Variants in SORCS3 observed in about 807,000 individuals in gnomAD.
SORCS3 encodes VPS10 domain-containing receptor SorCS3.
A neutral mutation model predicts 146.3 loss-of-function variants in SORCS3; 57 were observed. That is an observed-to-expected ratio of 0.39 (90% CI 0.31 to 0.49). SORCS3 has a LOEUF of 0.49. Ranked by LOEUF, SORCS3 falls within the 20% of genes least tolerant of loss-of-function variation. SORCS3 has a pLI of 0.92. For synonymous variants in SORCS3, 653 were observed against 618.5 expected (o/e 1.06, Z -0.83); for missense variants, 1,341 against 1,575.5 (o/e 0.85, Z 2.52).
chr10:104,998,532 G>T (rs73334052), intron 4 of SORCS3, among the ~76,000 whole-genome samples: 11,388 of 152,190 alleles, frequency 0.075, 477 homozygotes, highest in African/African-American at 0.1. Flanking sequence ...CAGAATTCCT[G>T]CTCCTTCAGG....
chr10:104,687,785 A>G (rs1409549958), intron 1 of SORCS3, among the ~76,000 whole-genome samples: 1 of 152,174 alleles, frequency 6.6e-6, no homozygotes, highest in Non-Finnish European at 1.5e-5. Flanking sequence ...TTCCAGTCTC[A>G]GTCCCTGCTT....
intron 7 of SORCS3, among the ~76,000 whole-genome samples, chr10:105,128,264 A>G (rs758292855): frequency 2.0e-5 from 3 of 152,146 alleles, no homozygotes; most frequent in Non-Finnish European, 4.4e-5. Context: ...TTGGCATTTC[A>G]CAAATATTCA....
At chr10:104,654,139 C>T (rs1195623110) in intron 1 of SORCS3, among the ~76,000 whole-genome samples, 2 of 152,140 alleles carry the variant, frequency 1.3e-5, no homozygotes, top group African/African-American at 4.8e-5. Flanking sequence ...GAATCTCATT[C>T]GTTTTTATGG....
intron 1 of SORCS3, among the ~76,000 whole-genome samples, chr10:104,735,603 G>C (rs964560346): frequency 6.6e-6 from 1 of 151,770 alleles, no homozygotes; most frequent in Admixed American, 6.6e-5. Flanking sequence ...CAGAGCCCTT[G>C]GCTCCCTTCC....
chr10:105,166,490 G>T (rs1254344391), intron 12 of SORCS3, among the ~76,000 whole-genome samples: 1 of 152,182 alleles, frequency 6.6e-6, no homozygotes, highest in Non-Finnish European at 1.5e-5. Flanking sequence ...ATATATGTGG[G>T]CTTAGGTCTG....
intron 9 of SORCS3, among the ~76,000 whole-genome samples, chr10:105,153,824 A>C (rs1296028213): frequency 6.6e-6 from 1 of 152,120 alleles, no homozygotes; most frequent in Non-Finnish European, 1.5e-5. Context: ...TAATCCCAGC[A>C]CTTTGGGAGA....
At chr10:104,741,952 A>G (rs2016852495) in intron 1 of SORCS3, among the ~76,000 whole-genome samples, 1 of 151,160 alleles carries the variant, frequency 6.6e-6, no homozygotes. Flanking sequence ...GTTGGCACGT[A>G]TTGTCTTTTC....
At chr10:105,068,350 T>C (rs75954658) in intron 5 of SORCS3, among the ~76,000 whole-genome samples, 8,949 of 152,276 alleles carry the variant, frequency 0.059, 276 homozygotes, top group Middle Eastern at 0.088. Context: ...GTCCAGCCGC[T>C]CACACCCTCT....
chr10:104,855,795 G>T (rs1325038494), intron 2 of SORCS3, among the ~76,000 whole-genome samples: 1 of 152,012 alleles, frequency 6.6e-6, no homozygotes, highest in Non-Finnish European at 1.5e-5. Flanking sequence ...GAGTGCAGTG[G>T]TGTGAACATG....
chr10:104,802,657 G>T (rs945089425), intron 1 of SORCS3, among the ~76,000 whole-genome samples: 1 of 152,180 alleles, frequency 6.6e-6, no homozygotes, highest in African/African-American at 2.4e-5. Flanking sequence ...ACAGAATCTG[G>T]TTCCCTGAAA....
At chr10:105,060,131 AG>A (rs1191701447) in intron 5 of SORCS3, among the ~76,000 whole-genome samples, 2 of 152,096 alleles carry the variant, frequency 1.3e-5, no homozygotes, top group Non-Finnish European at 2.9e-5. Context: ...GTGTTCATGG[AG>A]GAGTTGGAAT....
chr10:105,101,555 A>T (rs1316654735), intron 6 of SORCS3, among the ~76,000 whole-genome samples: 1 of 152,202 alleles, frequency 6.6e-6, no homozygotes, highest in African/African-American at 2.4e-5. Flanking sequence ...TGGACCTTTC[A>T]TTCCATACTG....
At chr10:105,246,278 G>C (rs2056865766) in intron 21 of SORCS3, among the ~76,000 whole-genome samples, 1 of 152,034 alleles carries the variant, frequency 6.6e-6, no homozygotes, top group Non-Finnish European at 1.5e-5. Context: ...ACCTCTCCCA[G>C]GTCCCTAGAC....
intron 25 of SORCS3, among the ~76,000 whole-genome samples, chr10:105,260,460 C>G (rs2056954239): frequency 6.6e-6 from 1 of 152,166 alleles, no homozygotes; most frequent in Non-Finnish European, 1.5e-5. Context: ...AGTGTGCTGC[C>G]TCACATGGAT....
At chr10:104,721,220 T>A (rs570348829) in intron 1 of SORCS3, among the ~76,000 whole-genome samples, 67 of 152,332 alleles carry the variant, frequency 4.4e-4, no homozygotes, top group African/African-American at 1.6e-3. Context: ...CCAGCACCAT[T>A]TATTAAATAG....
At chr10:104,662,673 TC>T (rs2015717610) in intron 1 of SORCS3, among the ~76,000 whole-genome samples, 1 of 152,218 alleles carries the variant, frequency 6.6e-6, no homozygotes, top group Non-Finnish European at 1.5e-5. Context: ...CATGTTCTTT[TC>T]TAGAAGCCTT....
chr10:104,822,712 G>A (rs1393492821), intron 1 of SORCS3, among the ~76,000 whole-genome samples: 7 of 152,232 alleles, frequency 4.6e-5, no homozygotes, highest in South Asian at 4.1e-4. Flanking sequence ...CCCTCAATAC[G>A]CTCTAAGTTT....
At chr10:104,961,587 A>G (rs2133635408) in intron 3 of SORCS3, among the ~76,000 whole-genome samples, 1 of 152,312 alleles carries the variant, frequency 6.6e-6, no homozygotes, top group Non-Finnish European at 1.5e-5. Flanking sequence ...GTGGCCACCA[A>G]TTTGTTAAAT....
At position 104,915,851 on chromosome 10, in the gene SORCS3, C is replaced by T. The variant is rs752262202; in HGVS notation, c.714C>T (p.Thr238=). The change falls in exon 3 of 27, where the codon ACC becomes ACT. Residue 238 remains threonine, a synonymous_variant. Coordinates refer to ENST00000369701, the MANE Select transcript of SORCS3 (RefSeq NM_014978.3). ...SSLWRSTDYG[T]TYEKLNDKVG... The stretch of plus-strand genomic sequence containing the variant: ...CCTGCAGGTCGACAGATTATGGCAC[C>T]ACCTATGAAAAGCTGAATGACAAAG... 1 of 1,613,914 alleles carries T rather than the reference C, an allele frequency of 6.2e-7. No individual in the cohort carries two copies. Among genetic ancestry groups the T allele is most frequent in the Non-Finnish European group, 8.5e-7 (1 of 1,179,958 alleles).
Sources: gnomAD v4.1 joint callset for allele counts (sites outside exome capture counted in the v4.1 genomes callset) on GRCh38, gnomAD v4.1.1 for gene constraint, MANE v1.5 for transcripts, NCBI Gene and HGNC (gene_info 2026-07-23, HGNC 2026-07-21) for gene names.